Variants in VAMP4 observed in about 807,000 individuals in gnomAD.
The protein encoded by VAMP4 is vesicle associated membrane protein 4, also known as vesicle-associated membrane protein 4.
VAMP4 carries 19 observed loss-of-function variants against 23.5 expected under a neutral mutation model. The ratio of observed to expected loss-of-function variants is 0.81; its 90% CI spans 0.56 to 1.19. The LOEUF is 1.19. Among genes scored for constraint, VAMP4 ranks in the 50% most tolerant of loss-of-function variants. The pLI is 0.00. For missense variants in VAMP4, 145 were observed against 168.6 expected (o/e 0.86, Z 0.78); for synonymous variants, 31 against 51.0 (o/e 0.61, Z 1.67).
chr1:171,707,174 A>G (rs954721090), intron 6 of VAMP4, among the ~76,000 whole-genome samples: 6 of 152,140 alleles, frequency 3.9e-5, no homozygotes, highest in African/African-American at 1.4e-4. Context: ...CATTAAACAT[A>G]TAAGAGTTTC....
intron 1 of VAMP4, among the ~76,000 whole-genome samples, chr1:171,741,546 A>G (rs1424217056): frequency 6.8e-6 from 1 of 146,900 alleles, no homozygotes; most frequent in African/African-American, 2.5e-5. Context: ...GTCCCACGAT[A>G]TATCTGCTCC....
intron 5 of VAMP4, among the ~76,000 whole-genome samples, chr1:171,710,212 T>C (rs1654804084): frequency 6.7e-6 from 1 of 148,852 alleles, no homozygotes; most frequent in African/African-American, 2.5e-5. Context: ...CTAAAGTCTG[T>C]CAAAGATTAA....
chr1:171,733,462 A>C (rs1457205593), intron 2 of VAMP4, among the ~76,000 whole-genome samples: 3 of 152,108 alleles, frequency 2.0e-5, no homozygotes, highest in Non-Finnish European at 4.4e-5. Flanking sequence ...CCTGTCTCAA[A>C]ATAATAATGA....
intron 2 of VAMP4, among the ~76,000 whole-genome samples, chr1:171,729,994 A>G (rs570030084): frequency 6.6e-6 from 1 of 152,180 alleles, no homozygotes; most frequent in Non-Finnish European, 1.5e-5. Context: ...CAGACATTAC[A>G]CTAATGGTTT....
rs1655814615 is a variant in VAMP4, at chr1:171,738,458, C to A, written c.-44G>T. The A allele has an allele frequency of 6.3e-7, 1 of 1,575,960 alleles. No homozygotes were observed. The highest frequency in any genetic ancestry group is 1.4e-5 in the African/African-American group (1 of 73,848). Reference sequence around the variant, plus strand: ...ATCTTTTGCTTCTCAACAGGATAGTCACCACCTTAAAGAGAAAATAAATTT... The same window carrying A: ...ATCTTTTGCTTCTCAACAGGATAGTAACCACCTTAAAGAGAAAATAAATTT... On this transcript the variant is annotated 5_prime_UTR_variant, in exon 2 of 8. An upstream open reading frame in the 5' UTR loses its in-frame stop. Coordinates refer to ENST00000236192, the MANE Select transcript of VAMP4 (RefSeq NM_003762.5).
intron 2 of VAMP4, among the ~76,000 whole-genome samples, chr1:171,730,779 G>C (rs1029547591): frequency 1.3e-5 from 2 of 151,934 alleles, no homozygotes; most frequent in African/African-American, 4.8e-5. Context: ...AATCAATCTA[G>C]CATAAGGGAA....
At chr1:171,729,404 T>TA (rs1412820378) in intron 2 of VAMP4, among the ~76,000 whole-genome samples, 1 of 152,206 alleles carries the variant, frequency 6.6e-6, no homozygotes, top group Non-Finnish European at 1.5e-5. Flanking sequence ...ATATAGCTTA[T>TA]ATACATAGCC....
chr1:171,718,673 A>G (rs1299153709), intron 4 of VAMP4, among the ~76,000 whole-genome samples: 1 of 152,140 alleles, frequency 6.6e-6, no homozygotes, highest in Non-Finnish European at 1.5e-5. Context: ...CAACAAATTA[A>G]AGCTATTATA....
intron 5 of VAMP4, among the ~76,000 whole-genome samples, chr1:171,710,484 C>G (rs1654816103): frequency 6.6e-6 from 1 of 152,042 alleles, no homozygotes; most frequent in Non-Finnish European, 1.5e-5. Context: ...CTACTCTTCA[C>G]TCTTCAACAA....
intron 3 of VAMP4, among the ~76,000 whole-genome samples, chr1:171,723,208 G>A (rs1166110597): frequency 1.3e-5 from 2 of 152,144 alleles, no homozygotes; most frequent in Non-Finnish European, 2.9e-5. Context: ...GCAAATGGGG[G>A]CAGAGCAAGA....
rs1285401605 is a variant in VAMP4 at position 171,700,358 on chromosome 1, T to TA, written c.*4147dup. ...TACATTTCAAAACATCAAAGGCACT[T>TA]ACCAAAGTGATTAAATAAGGGAGTG... On this transcript the variant is annotated 3_prime_UTR_variant, in exon 8 of 8. Coordinates refer to ENST00000236192, the MANE Select transcript of VAMP4 (RefSeq NM_003762.5). The TA allele has an allele frequency of 6.6e-6, 1 of 152,138 alleles. No individual in the cohort carries two copies. The highest frequency in any genetic ancestry group is 2.4e-5 in the African/African-American group (1 of 41,436). 9.4% of individuals were successfully genotyped at this position (152,138 alleles called of 1,614,324 possible).
At chr1:171,717,777 A>G (rs1019679805) in intron 4 of VAMP4, among the ~76,000 whole-genome samples, 1 of 152,142 alleles carries the variant, frequency 6.6e-6, no homozygotes, top group Non-Finnish European at 1.5e-5. Flanking sequence ...TGTGCAGGAC[A>G]ATGACCCTGA....
At chr1:171,710,425 T>C (rs537027834) in intron 5 of VAMP4, among the ~76,000 whole-genome samples, 11 of 152,140 alleles carry the variant, frequency 7.2e-5, no homozygotes, top group East Asian at 5.8e-4. Flanking sequence ...CCTGAGATCA[T>C]GAGAAACACA....
At position 171,700,580 on chromosome 1, in the gene VAMP4, G is replaced by GT. The variant is rs1168187706; in HGVS notation, c.*3925dup. On this transcript the variant is annotated 3_prime_UTR_variant, in exon 8 of 8. Transcript: ENST00000236192. ...CCTAATGGAATACCATAAAGCCAGA[G>GT]TTTTTCCACACCCAATTACAGTAGA... is the stretch of plus-strand genomic sequence containing the variant. The GT allele has an allele frequency of 6.6e-6, 1 of 152,194 alleles. No homozygotes were observed. Among genetic ancestry groups the GT allele is most frequent in the Non-Finnish European group, 1.5e-5 (1 of 68,038 alleles). 9.4% of individuals were successfully genotyped at this position (152,194 alleles called of 1,614,324 possible). A position where few individuals can be genotyped will look rare whatever the true frequency, so the allele number is the denominator to read the frequency against.
chr1:171,739,850 A>C (rs964754292), intron 1 of VAMP4, among the ~76,000 whole-genome samples: 1 of 152,238 alleles, frequency 6.6e-6, no homozygotes, highest in Non-Finnish European at 1.5e-5. Context: ...ACATCCTGTT[A>C]TATGCTAATA....
Position 171,722,861 on chromosome 1 carries a change from T to C in VAMP4, c.114-3640A>G, listed in dbSNP as rs368432446. Among the ~76,000 whole-genome samples the C allele has an allele frequency of 6.6e-5, 10 of 152,188 alleles. 1 individual carries two copies. Among genetic ancestry groups the C allele is most frequent in the Admixed American group, 2.0e-4 (3 of 15,288 alleles). On this transcript the variant is annotated intron_variant, in intron 3 of 7. Transcript: ENST00000236192. ...AAGTCAGTGTGCGATTCCTCAGGGA[T>C]CTAGAACTAGAAATACCATTTGACC...
chr1:171,707,088 C>G (rs1337572061), intron 6 of VAMP4, among the ~76,000 whole-genome samples: 1 of 152,136 alleles, frequency 6.6e-6, no homozygotes, highest in Non-Finnish European at 1.5e-5. Flanking sequence ...ATGTTTACAG[C>G]TCCAAATGGC....
chr1:171,719,093 G>A, intron 4 of VAMP4, 78 bp downstream of exon 4: 2 of 1,267,882 alleles, frequency 1.6e-6, no homozygotes, highest in Non-Finnish European at 2.2e-6. Flanking sequence ...AGCCAGATTT[G>A]GCTCACAGGC....
intron 4 of VAMP4, among the ~76,000 whole-genome samples, chr1:171,717,936 T>C (rs1655071481): frequency 1.3e-5 from 2 of 152,160 alleles, no homozygotes; most frequent in Admixed American, 1.3e-4. Flanking sequence ...ATGACATCTA[T>C]AGCTGCAGGA....
Sources: gnomAD v4.1 joint callset for allele counts (sites outside exome capture counted in the v4.1 genomes callset) on GRCh38, gnomAD v4.1.1 for gene constraint, MANE v1.5 for transcripts, NCBI Gene and HGNC (gene_info 2026-07-23, HGNC 2026-07-21) for gene names.